MAGI2: variants seen among roughly 807,000 people sequenced by gnomAD.
The protein encoded by MAGI2 is membrane-associated guanylate kinase, WW and PDZ domain-containing protein 2.
Under a neutral mutation model 133.3 loss-of-function variants are expected in MAGI2, and 35 were observed. The observed-to-expected ratio is 0.26, with a 90% CI of 0.20 to 0.35. The LOEUF is 0.35. Among genes scored for constraint, MAGI2 ranks in the 10% least tolerant of loss-of-function variants. The pLI, the probability that MAGI2 is intolerant of heterozygous loss-of-function variation, is 1.00. For synonymous variants in MAGI2, 729 were observed against 710.6 expected (o/e 1.03, Z -0.41); for missense variants, 1,636 against 1,863.4 (o/e 0.88, Z 2.25).
At chr7:78,136,116 CTTCT>C (rs764181531) in intron 16 of MAGI2, among the ~76,000 whole-genome samples, 3 of 74,962 alleles carry the variant, frequency 4.0e-5, no homozygotes, top group South Asian at 4.2e-4. Context: ...TTCTTTCTTT[CTTCT>C]TTTTTTTTTT....
In MAGI2 at chr7:79,334,758, T is replaced by C. The variant is rs1840316028; in HGVS notation, c.301+118262A>G. On this transcript the variant is annotated intron_variant, in intron 1 of 21. Transcript: ENST00000354212. ...AAATGAAAACTACGTGATGCTTCCA[T>C]CAAAGATTTGTAATTGATAAAGTGT... is the stretch of plus-strand genomic sequence containing the variant. Among the ~76,000 whole-genome samples the C allele has an allele frequency of 3.9e-5, 6 of 152,310 alleles. No homozygotes were observed. In the South Asian group the frequency reaches 1.2e-3, roughly 32 times the overall value.
intron 2 of MAGI2, among the ~76,000 whole-genome samples, chr7:78,736,971 A>T (rs1407523376): frequency 2.0e-5 from 3 of 152,226 alleles, no homozygotes; most frequent in African/African-American, 7.2e-5. Flanking sequence ...TTGCAAGCTG[A>T]ACTAGACACT....
intron 2 of MAGI2, among the ~76,000 whole-genome samples, chr7:78,897,247 A>G (rs1797281393): frequency 1.3e-5 from 2 of 152,232 alleles, no homozygotes; most frequent in Admixed American, 1.3e-4. Flanking sequence ...GGAAGCATGT[A>G]CTTTGTTTCC....
At chr7:79,230,665 T>G (rs1395631807) in intron 1 of MAGI2, among the ~76,000 whole-genome samples, 4 of 151,350 alleles carry the variant, frequency 2.6e-5, no homozygotes, top group East Asian at 1.9e-4. Flanking sequence ...TAAATTTGTT[T>G]GAGTTCATTG....
chr7:78,592,513 A>T (rs1048745872), intron 3 of MAGI2, among the ~76,000 whole-genome samples: 8 of 152,216 alleles, frequency 5.3e-5, no homozygotes, highest in Non-Finnish European at 1.0e-4. Flanking sequence ...AAAAATAAGG[A>T]ATTTTATTGA....
chr7:78,858,412 C>T (rs1053118350), intron 2 of MAGI2, among the ~76,000 whole-genome samples: 1 of 152,220 alleles, frequency 6.6e-6, no homozygotes, highest in Non-Finnish European at 1.5e-5. Context: ...TCCCTCTACA[C>T]ACTGCTTTAA....
chr7:78,645,114 G>A (rs1162070501), intron 2 of MAGI2, among the ~76,000 whole-genome samples: 3 of 149,808 alleles, frequency 2.0e-5, no homozygotes, highest in Non-Finnish European at 4.5e-5. Flanking sequence ...GTGTGTGCGT[G>A]TGTGTGTGTG....
At chr7:78,516,932 G>A (rs73376243) in intron 4 of MAGI2, among the ~76,000 whole-genome samples, 5,631 of 152,228 alleles carry the variant, frequency 0.037, 249 homozygotes, top group African/African-American at 0.1. Flanking sequence ...CAGGTAAAGG[G>A]CTTTGTGAAT....
At chr7:79,144,105 C>T (rs1212293374) in intron 1 of MAGI2, among the ~76,000 whole-genome samples, 1 of 152,194 alleles carries the variant, frequency 6.6e-6, no homozygotes, top group African/African-American at 2.4e-5. Context: ...GTACTTACCT[C>T]ATTGTTTTCA....
At chr7:78,354,963 G>A (rs928856909) in intron 7 of MAGI2, among the ~76,000 whole-genome samples, 1 of 152,118 alleles carries the variant, frequency 6.6e-6, no homozygotes, top group African/African-American at 2.4e-5. Context: ...TAGGAATAGA[G>A]GATAAAGGTT....
At chr7:78,182,978 T>TGA (rs1367009955) in intron 13 of MAGI2, among the ~76,000 whole-genome samples, 1 of 152,206 alleles carries the variant, frequency 6.6e-6, no homozygotes, top group African/African-American at 2.4e-5. Context: ...AAACATTACC[T>TGA]GAACTTAGTT....
At chr7:78,573,400 A>T (rs1474333093) in intron 3 of MAGI2, among the ~76,000 whole-genome samples, 1 of 80,336 alleles carries the variant, frequency 1.2e-5, no homozygotes, top group Non-Finnish European at 2.2e-5. Context: ...ATATATATAT[A>T]TATAGGCTGC....
intron 14 of MAGI2, among the ~76,000 whole-genome samples, chr7:78,168,378 A>G (rs1011695183): frequency 3.3e-5 from 5 of 152,200 alleles, no homozygotes; most frequent in African/African-American, 4.8e-5. Flanking sequence ...TGTTGGAAAG[A>G]TGCCCTTTCA....
intron 2 of MAGI2, among the ~76,000 whole-genome samples, chr7:78,780,121 A>G (rs1826280651): frequency 6.6e-6 from 1 of 152,258 alleles, no homozygotes; most frequent in Non-Finnish European, 1.5e-5. Flanking sequence ...GCGTGTTATG[A>G]CAATGTGTAC....
intron 2 of MAGI2, among the ~76,000 whole-genome samples, chr7:78,861,256 A>G (rs1383568409): frequency 6.6e-6 from 1 of 152,144 alleles, no homozygotes; most frequent in Non-Finnish European, 1.5e-5. Flanking sequence ...CCCCAGTGAG[A>G]TGAACCCAGT....
chr7:79,391,339 A>C (rs1325657109), intron 1 of MAGI2, among the ~76,000 whole-genome samples: 2 of 151,590 alleles, frequency 1.3e-5, no homozygotes, highest in Non-Finnish European at 2.9e-5. Flanking sequence ...ATTCAAAACA[A>C]ACTAAAAGGT....
At chr7:79,281,752 A>G (rs1164815240) in intron 1 of MAGI2, among the ~76,000 whole-genome samples, 4 of 152,140 alleles carry the variant, frequency 2.6e-5, no homozygotes, top group East Asian at 1.9e-4. Context: ...GTTATCTTCA[A>G]TAGATCCATG....
intron 3 of MAGI2, among the ~76,000 whole-genome samples, chr7:78,525,375 A>G (rs1796859579): frequency 1.3e-5 from 2 of 152,172 alleles, no homozygotes; most frequent in Non-Finnish European, 2.9e-5. Context: ...CCAATGGTTG[A>G]AGAATTAGCC....
chr7:78,368,378 C>G (rs1793596185), intron 7 of MAGI2, among the ~76,000 whole-genome samples: 1 of 152,088 alleles, frequency 6.6e-6, no homozygotes, highest in Non-Finnish European at 1.5e-5. Flanking sequence ...GTTTTTCAAC[C>G]TCTGGATTTC....
Sources: gnomAD v4.1 joint callset for allele counts (sites outside exome capture counted in the v4.1 genomes callset) on GRCh38, gnomAD v4.1.1 for gene constraint, MANE v1.5 for transcripts, NCBI Gene and HGNC (gene_info 2026-07-23, HGNC 2026-07-21) for gene names.